Variants in OTUD7B observed in about 807,000 individuals in gnomAD.
The protein encoded by OTUD7B is OTU deubiquitinase 7B, also known as OTU domain-containing protein 7B.
In OTUD7B, 34 loss-of-function variants were observed where a neutral mutation model predicts 82.2. The observed-to-expected ratio is 0.41, with a 90% CI of 0.31 to 0.55. The LOEUF is 0.55. Among genes scored for constraint, OTUD7B ranks in the 20% least tolerant of loss-of-function variants. The pLI is 0.20. For missense variants in OTUD7B, 944 were observed against 1,062.1 expected, an observed-to-expected ratio of 0.89 and a Z score of 1.55; for synonymous variants, 398 against 402.7, an observed-to-expected ratio of 0.99 and a Z score of 0.14.
chr1:149,960,194 C>T (rs911227337), intron 6 of OTUD7B, among the ~76,000 whole-genome samples: 16 of 151,946 alleles, frequency 1.1e-4, no homozygotes, highest in African/African-American at 3.4e-4. Context: ...TTGCCATTAG[C>T]GTCCATAAAA....
rs1647310055 is a variant in OTUD7B at position 149,942,271 on chromosome 1, A to T, written c.*1586T>A. ...AAGTACACTTATTCCCCTTCTTCAC[A>T]TGCACCCGGGAGTGTATACAATTGC... On this transcript the variant is annotated 3_prime_UTR_variant, in exon 12 of 12. Coordinates refer to ENST00000581312, the MANE Select transcript of OTUD7B (RefSeq NM_020205.4). 1 of 152,584 alleles carries T rather than the reference A, an allele frequency of 6.6e-6. No individual in the cohort carries two copies. The highest frequency in any genetic ancestry group is 2.4e-5 in the African/African-American group (1 of 41,430). The allele number at this position is 152,584 out of a possible 1,614,324, so 9.5% of individuals were successfully genotyped here. A position where few individuals can be genotyped will look rare whatever the true frequency, so the allele number is the denominator to read the frequency against.
intron 1 of OTUD7B, among the ~76,000 whole-genome samples, chr1:149,998,423 T>G (rs782359507): frequency 2.6e-5 from 4 of 152,232 alleles, no homozygotes; most frequent in Non-Finnish European, 5.9e-5. Flanking sequence ...CTTTACTAAC[T>G]TTACTGATCT....
At chr1:149,998,116 TAACC>T (rs1652035666) in intron 1 of OTUD7B, among the ~76,000 whole-genome samples, 1 of 152,164 alleles carries the variant, frequency 6.6e-6, no homozygotes, top group Non-Finnish European at 1.5e-5. Flanking sequence ...CATTCTTACC[TAACC>T]TTTTTCACGA....
chr1:149,963,805 A>T (rs1414372995), intron 6 of OTUD7B: 1 of 162,254 alleles, frequency 6.2e-6, no homozygotes, highest in Non-Finnish European at 1.4e-5. Flanking sequence ...AACAAATGGT[A>T]TATATGTCCT....
At chr1:149,964,042 T>C in intron 6 of OTUD7B, 180 bp downstream of exon 6, 1 of 632,768 alleles carries the variant, frequency 1.6e-6, no homozygotes, top group Non-Finnish European at 2.7e-6. Context: ...CCAGTTCTCA[T>C]GACCACATCA....
At chr1:150,034,347 T>G in the OTUD7B span, among the ~76,000 whole-genome samples, 1 of 152,238 alleles carries the variant, frequency 6.6e-6, no homozygotes, top group Admixed American at 6.5e-5. Context: ...TGTCCATTGC[T>G]GCCTATTAGG....
chr1:149,993,358 A>G (rs1651725281), intron 1 of OTUD7B, among the ~76,000 whole-genome samples: 5 of 152,214 alleles, frequency 3.3e-5, no homozygotes, highest in Admixed American at 2.6e-4. Flanking sequence ...AATGCCAGGC[A>G]GGCTGCTAAG....
intron 1 of OTUD7B, among the ~76,000 whole-genome samples, chr1:149,999,548 G>A (rs1331144794): frequency 2.0e-5 from 3 of 152,158 alleles, no homozygotes; most frequent in Admixed American, 6.5e-5. Context: ...GAACACATAA[G>A]AGGAGATAAG....
chr1:150,067,059 G>A, the OTUD7B span: 13 of 152,344 alleles, frequency 8.5e-5, no homozygotes, highest in Admixed American at 7.8e-4. Context: ...GACGCTTGCA[G>A]GTCCGGTGGT....
intron 1 of OTUD7B, among the ~76,000 whole-genome samples, chr1:150,001,671 C>A (rs1161704155): frequency 6.6e-6 from 1 of 152,116 alleles, no homozygotes; most frequent in Non-Finnish European, 1.5e-5. Flanking sequence ...TTCCTTCTCC[C>A]AAATACTCAC....
At chr1:149,977,599 A>C in intron 1 of OTUD7B, 23 bp from the exon 2 acceptor site, 1 of 901,948 alleles carries the variant, frequency 1.1e-6, no homozygotes, top group Non-Finnish European at 1.9e-6. Context: ...TAAATACATA[A>C]GGCTCAAATT....
chr1:149,945,398 G>C (rs1442956253), intron 11 of OTUD7B, among the ~76,000 whole-genome samples: 2 of 152,254 alleles, frequency 1.3e-5, no homozygotes, highest in East Asian at 3.9e-4. Context: ...AAGCCTTACT[G>C]TTCATTTAGA....
At chr1:149,962,198 T>G (rs1252385786) in intron 6 of OTUD7B, 1 of 152,222 alleles carries the variant, frequency 6.6e-6, no homozygotes, top group Non-Finnish European at 1.5e-5. Flanking sequence ...CGGTTTCTGC[T>G]TCCTGTTTTA....
At chr1:150,020,764 T>C in the OTUD7B span, among the ~76,000 whole-genome samples, 1 of 152,244 alleles carries the variant, frequency 6.6e-6, no homozygotes, top group Non-Finnish European at 1.5e-5. Flanking sequence ...TACTGATTTA[T>C]CTTGAAAATT....
chr1:150,029,039 G>A, the OTUD7B span, among the ~76,000 whole-genome samples: 2 of 152,060 alleles, frequency 1.3e-5, no homozygotes, highest in Non-Finnish European at 2.9e-5. Flanking sequence ...AACATTTGGT[G>A]AACTGTACTG....
intron 1 of OTUD7B, among the ~76,000 whole-genome samples, chr1:149,992,465 G>GTTTTTT (rs1651639050): frequency 2.2e-5 from 1 of 45,946 alleles, no homozygotes; most frequent in Non-Finnish European, 5.0e-5. Flanking sequence ...TTGTGTGCAT[G>GTTTTTT]TGTTTTTTTT....
chr1:149,996,894 T>A (rs1553783571), intron 1 of OTUD7B, among the ~76,000 whole-genome samples: 11 of 152,182 alleles, frequency 7.2e-5, no homozygotes, highest in Non-Finnish European at 1.5e-5. Context: ...TTTATTACTA[T>A]CATCATGGGC....
At chr1:150,056,662 T>A in the OTUD7B span, among the ~76,000 whole-genome samples, 3 of 152,186 alleles carry the variant, frequency 2.0e-5, no homozygotes, top group African/African-American at 7.2e-5. Context: ...TTCCAGAGCC[T>A]ACACTCTTAA....
rs1647459088 is a variant in OTUD7B, at chr1:149,943,997, T to G, written c.2392A>C (p.Thr798Pro). Residue 798 changes from threonine to proline, a missense_variant, in exon 12 of 12, where the codon ACT becomes CCT. Transcript: ENST00000581312. ...WAGGLRGLPP[T>P]QTKCKQPNCS... ...TTCGGTTGTTTGCATTTGGTCTGAGTTGGGGGAAGGCCCCGGAGACCTCCA... is the reference window on the plus strand; with the variant it reads ...TTCGGTTGTTTGCATTTGGTCTGAGGTGGGGGAAGGCCCCGGAGACCTCCA... The G allele has an allele frequency of 6.2e-7, 1 of 1,614,194 alleles. No homozygotes were observed. Among genetic ancestry groups the G allele is most frequent in the Non-Finnish European group, 8.5e-7 (1 of 1,180,030 alleles).
Sources: allele counts gnomAD v4.1 joint callset (sites outside exome capture counted in the v4.1 genomes callset), GRCh38; gene constraint gnomAD v4.1.1; transcripts MANE v1.5; gene names NCBI Gene and HGNC (gene_info 2026-07-23, HGNC 2026-07-21).